The following SHB variants were observed in gnomAD, a reference collection of about 807,000 sequenced individuals.
SHB encodes SH2 domain-containing adapter protein B.
In SHB, 20 loss-of-function variants were observed where a neutral mutation model predicts 52.3. The observed-to-expected ratio is 0.38, with a 90% CI of 0.27 to 0.56. The LOEUF is 0.56. Among genes scored for constraint, SHB ranks in the 20% least tolerant of loss-of-function variants. SHB has a pLI of 0.71. For missense variants in SHB, 825 were observed against 723.3 expected (o/e 1.14, Z -1.61); for synonymous variants, 397 against 316.5 (o/e 1.25, Z -2.70).
At chr9:38,001,605 C>T (rs1251170973) in intron 2 of SHB, among the ~76,000 whole-genome samples, 1 of 152,242 alleles carries the variant, frequency 6.6e-6, no homozygotes, top group Non-Finnish European at 1.5e-5. Context: ...GTTCGATACT[C>T]TCCAAGTTAG....
intron 1 of SHB, among the ~76,000 whole-genome samples, chr9:38,031,245 C>T (rs769092525): frequency 1.4e-4 from 21 of 152,108 alleles, no homozygotes; most frequent in Admixed American, 5.2e-4. Context: ...CGCTTGAACC[C>T]GGGAGGCAGA....
chr9:38,029,920 T>C (rs984161490), intron 1 of SHB, among the ~76,000 whole-genome samples: 1 of 152,268 alleles, frequency 6.6e-6, no homozygotes, highest in East Asian at 1.9e-4. Flanking sequence ...TGCACCTAGA[T>C]GTACACGTGC....
chr9:37,921,377 G>A (rs1832178776), intron 5 of SHB, among the ~76,000 whole-genome samples: 1 of 152,160 alleles, frequency 6.6e-6, no homozygotes, highest in South Asian at 2.1e-4. Flanking sequence ...GTCAGGACTG[G>A]GCTTCCCAAG....
chr9:38,020,515 C>T (rs1332496212), intron 1 of SHB, among the ~76,000 whole-genome samples: 1 of 152,206 alleles, frequency 6.6e-6, no homozygotes. Flanking sequence ...GAAGTTTGTG[C>T]TAACATGCAG....
At chr9:37,926,884 TACTC>T (rs1482277148) in intron 5 of SHB, among the ~76,000 whole-genome samples, 1 of 152,210 alleles carries the variant, frequency 6.6e-6, no homozygotes, top group Non-Finnish European at 1.5e-5. Context: ...GTGGTCCAAT[TACTC>T]ACCCAGAGCC....
intron 5 of SHB, among the ~76,000 whole-genome samples, chr9:37,921,224 G>A (rs960949700): frequency 2.0e-5 from 3 of 152,120 alleles, no homozygotes; most frequent in Non-Finnish European, 4.4e-5. Flanking sequence ...CAAATCACCT[G>A]CCCCCATCTC....
chr9:38,068,048 G>C lies in SHB; in HGVS notation c.598C>G (p.Leu200Val). The C allele has an allele frequency of 6.7e-7, 1 of 1,501,436 alleles. No homozygotes were observed. Among genetic ancestry groups the C allele is most frequent in the Non-Finnish European group, 8.8e-7 (1 of 1,133,752 alleles). The allele number at this position is 1,501,436 out of a possible 1,614,324, so 93.0% of individuals were successfully genotyped here. A position where few individuals can be genotyped will look rare whatever the true frequency, so the allele number is the denominator to read the frequency against. The change falls in exon 1 of 6, where the codon CTG becomes GTG. Residue 200 changes from leucine (L) to valine (V), a missense_variant. Leu to Val is a conservative substitution (Grantham distance 32, BLOSUM62 1). Transcript: ENST00000377707. ...SAAGGGAGDP[L>V]GGACAGGRTW... ...CGGCCGCCCGCGCAGGCGCCCCCCA[G>C]GGGGTCCCCGGCCCCACCGCCCGCG... is the stretch of plus-strand genomic sequence containing the variant.
chr9:37,997,372 C>A (rs1484904553), intron 2 of SHB, among the ~76,000 whole-genome samples: 3 of 152,200 alleles, frequency 2.0e-5, no homozygotes, highest in African/African-American at 7.2e-5. Flanking sequence ...TGAGCTTGGG[C>A]TGCTGCCTAG....
intron 4 of SHB, among the ~76,000 whole-genome samples, chr9:37,949,809 C>T (rs905028547): frequency 1.3e-5 from 2 of 152,230 alleles, no homozygotes; most frequent in African/African-American, 2.4e-5. Context: ...GTGGGAATCC[C>T]AGCATTACTG....
rs745730058 is a variant in SHB, at chr9:38,067,983, G to A, written c.663C>T (p.Leu221=). 30 of 1,551,314 alleles carry A rather than the reference G, an allele frequency of 1.9e-5. No individual in the cohort carries two copies. The highest frequency in any genetic ancestry group is 2.5e-5 in the Non-Finnish European group (29 of 1,158,356). The change falls in exon 1 of 6, where the codon CTC becomes CTT. Residue 221 remains leucine, a synonymous_variant. Coordinates refer to ENST00000377707, the MANE Select transcript of SHB (RefSeq NM_003028.3). ...CCGCGGCTGAGGCGGCGCACTTGTT[G>A]AGCAGTTTCTTGCCTCCGCAGGCCG... ...SPTACGGKKL[L]NKCAASAAEE... is the part of the protein sequence containing the mutation.
rs1049444918 is a variant in SHB, at chr9:37,948,588, C to G, written c.1346+47G>C. 1.9e-6 allele frequency: 3 copies of G among 1,602,758 alleles called. No homozygotes were observed. The African/African-American group carries it at 4.0e-5, about 21-fold the overall frequency. On this transcript the variant is annotated intron_variant, in intron 5 of 5. Transcript: ENST00000377707. ...CACAGACACGGTGGCCGGCTGCGCT[C>G]GCAGAGGCTGCCGAGGAGGGCTGGG...
chr9:37,979,694 T>C (rs1422400311), intron 2 of SHB, among the ~76,000 whole-genome samples: 1 of 151,318 alleles, frequency 6.6e-6, no homozygotes, highest in East Asian at 1.9e-4. Context: ...CAGTGGTTCA[T>C]GCCTGTAACC....
intron 2 of SHB, among the ~76,000 whole-genome samples, chr9:37,979,096 T>C (rs978586280): frequency 3.3e-5 from 5 of 152,194 alleles, no homozygotes; most frequent in African/African-American, 9.7e-5. Context: ...GTCTTCCTTA[T>C]TAGCTGGGCC....
chr9:37,964,699 C>CT (rs1424855354), intron 3 of SHB, among the ~76,000 whole-genome samples: 1 of 152,170 alleles, frequency 6.6e-6, no homozygotes, highest in Non-Finnish European at 1.5e-5. Context: ...AGCATAAACC[C>CT]TGTGTGAGTG....
intron 1 of SHB, among the ~76,000 whole-genome samples, chr9:38,045,324 G>A (rs1318788594): frequency 6.6e-6 from 1 of 152,198 alleles, no homozygotes; most frequent in Non-Finnish European, 1.5e-5. Context: ...ACAACGACCA[G>A]GTGCGGTGGC....
At chr9:37,967,629 T>C (rs1820541572) in intron 3 of SHB, among the ~76,000 whole-genome samples, 1 of 152,146 alleles carries the variant, frequency 6.6e-6, no homozygotes. Flanking sequence ...CCCTCTATGT[T>C]CTCAAAGTGG....
chr9:37,982,111 C>T (rs1461919815), intron 2 of SHB, among the ~76,000 whole-genome samples: 1 of 149,548 alleles, frequency 6.7e-6, no homozygotes, highest in East Asian at 1.9e-4. Flanking sequence ...AAAAAAAATG[C>T]AATACCTGCA....
At chr9:37,983,887 T>C (rs1820771472) in intron 2 of SHB, among the ~76,000 whole-genome samples, 1 of 152,162 alleles carries the variant, frequency 6.6e-6, no homozygotes, top group South Asian at 2.1e-4. Context: ...GCCAACCACC[T>C]GGAGGGAGGC....
chr9:37,992,693 C>A (rs545908190), intron 2 of SHB, among the ~76,000 whole-genome samples: 1 of 152,152 alleles, frequency 6.6e-6, no homozygotes, highest in South Asian at 2.1e-4. Flanking sequence ...GGATTCTCAC[C>A]GGTGGCCTGC....
Sources: gnomAD v4.1 joint callset for allele counts (sites outside exome capture counted in the v4.1 genomes callset) on GRCh38, gnomAD v4.1.1 for gene constraint, MANE v1.5 for transcripts, NCBI Gene and HGNC (gene_info 2026-07-23, HGNC 2026-07-21) for gene names.